Variants in LTBP2 observed in about 807,000 individuals in gnomAD.
LTBP2 encodes the protein latent transforming growth factor beta binding protein 2, also known as latent-transforming growth factor beta-binding protein 2.
Under a neutral mutation model 210.6 loss-of-function variants are expected in LTBP2, and 103 were observed. That is an observed-to-expected ratio of 0.49 (90% CI 0.42 to 0.58). LTBP2 has a LOEUF of 0.58. Ranked by LOEUF, LTBP2 falls within the 20% of genes least tolerant of loss-of-function variation. The pLI is 0.00. For missense variants in LTBP2, 2,313 were observed against 2,494.5 expected, an observed-to-expected ratio of 0.93 and a Z score of 1.55; for synonymous variants, 1,007 against 1,015.0, an observed-to-expected ratio of 0.99 and a Z score of 0.15.
At chr14:74,582,021 T>G (rs1368765899) in intron 3 of LTBP2, among the ~76,000 whole-genome samples, 2 of 142,652 alleles carry the variant, frequency 1.4e-5, no homozygotes, top group Admixed American at 1.4e-4. Context: ...GGGTTGTTGT[T>G]TTTTTTTTTT....
In LTBP2 at chr14:74,501,588, G is replaced by T. The variant is rs758548129; in HGVS notation, c.5173C>A (p.Pro1725Thr). 6.2e-7 allele frequency: 1 copy of T among 1,614,046 alleles called. No homozygotes were observed. The highest frequency in any genetic ancestry group is 1.7e-5 in the Admixed American group (1 of 60,032). The part of the protein sequence containing the change: ...QPHYVASHPE[P>T]PAGFEGLQAE... The stretch of plus-strand genomic sequence containing the variant: ...TGAAGCCCTTCGAAGCCGGCTGGGG[G>T]CTCTGGGAGGAGGAAATCGGAGAGA... The change falls in exon 35 of 36, where the codon CCC (proline) becomes ACC (threonine). Residue 1725 changes from proline to threonine, a missense_variant and splice_region_variant. Transcript: ENST00000261978.
chr14:74,529,024 A>C lies in LTBP2; in HGVS notation c.2086T>G (p.Cys696Gly). The C allele has an allele frequency of 6.3e-7, 1 of 1,597,972 alleles. No individual in the cohort carries two copies. The highest frequency in any genetic ancestry group is 8.5e-7 in the Non-Finnish European group (1 of 1,172,356). Residue 696 changes from cysteine to glycine, a missense_variant, in exon 11 of 36, where the codon TGC (cysteine) becomes GGC (glycine). Coordinates refer to ENST00000261978, the MANE Select transcript of LTBP2 (RefSeq NM_000428.3). ...GCTTTGCCCACGCGGCTGCAGCAGCATATCTGCTTGGTGATCCGCTGGGCC... is the reference window on the plus strand; with the variant it reads ...GCTTTGCCCACGCGGCTGCAGCAGCCTATCTGCTTGGTGATCCGCTGGGCC... Reference protein sequence around the residue: ...PLAQRITKQICCCSRVGKAWG... With the variant: ...PLAQRITKQIGCCSRVGKAWG...
At position 74,552,943 on chromosome 14, in the gene LTBP2, G is replaced by A; in HGVS notation, c.1141C>T (p.Leu381=). Residue 381 remains leucine, a synonymous_variant, in exon 5 of 36, where the codon CTG becomes TTG. Coordinates refer to ENST00000261978, the MANE Select transcript of LTBP2 (RefSeq NM_000428.3). ...TGCCCATGGCCGCCCTGGCTGTACA[G>A]GGTGGTGGTGTCGCCCCTCTCACAG... ...NSCERGDTTT[L]YSQGGHGHDP... 6.2e-7 allele frequency: 1 copy of A among 1,613,922 alleles called. No homozygotes were observed. Among genetic ancestry groups the A allele is most frequent in the Non-Finnish European group, 8.5e-7 (1 of 1,179,932 alleles).
At chr14:74,529,181 C>G in intron 10 of LTBP2, 59 bp from the exon 11 acceptor site, 4 of 1,542,168 alleles carry the variant, frequency 2.6e-6, no homozygotes, top group Non-Finnish European at 3.5e-6. Context: ...GAATGCGCAG[C>G]TGGGAGGGCA....
At chr14:74,596,086 G>A (rs1049895029) in intron 2 of LTBP2, among the ~76,000 whole-genome samples, 15 of 151,984 alleles carry the variant, frequency 9.9e-5, no homozygotes, top group South Asian at 6.2e-4. Flanking sequence ...TTAGTCAGGC[G>A]TGGTAGCACA....
intron 18 of LTBP2, among the ~76,000 whole-genome samples, chr14:74,511,625 G>C (rs536462992): frequency 7.9e-5 from 12 of 152,352 alleles, no homozygotes; most frequent in Middle Eastern, 6.8e-3. Flanking sequence ...ACCACCAGCT[G>C]TGGGAGGGTC....
chr14:74,540,649 C>A (rs1453041850), intron 8 of LTBP2, among the ~76,000 whole-genome samples: 59 of 146,920 alleles, frequency 4.0e-4, no homozygotes, highest in Non-Finnish European at 3.6e-4. Flanking sequence ...CCTGTAGTTC[C>A]AGCTACTTGG....
chr14:74,611,516 TG>T lies in LTBP2; in HGVS notation c.428del (p.Pro143HisfsTer137). 6.5e-7 allele frequency: 1 copy of T among 1,538,082 alleles called. No individual in the cohort carries two copies. On this transcript the variant is annotated frameshift_variant, in exon 1 of 36. Transcript: ENST00000261978. LOFTEE classifies it high-confidence loss of function. Reference sequence around the variant, plus strand: ...CAGACCGCTGTGGGGTCCCCAGGCGTGGGAGAGCCGGCGCGGCCCGGGTCCG... The same window carrying T: ...CAGACCGCTGTGGGGTCCCCAGGCGTGGAGAGCCGGCGCGGCCCGGGTCCG... ...APRTRAAPAL[P>X]RLGTPQRSGA...
At chr14:74,605,507 C>T (rs2088513043) in intron 1 of LTBP2, among the ~76,000 whole-genome samples, 1 of 152,196 alleles carries the variant, frequency 6.6e-6, no homozygotes, top group African/African-American at 2.4e-5. Context: ...GGGGTGCGCC[C>T]CAGTGGAAGG....
At chr14:74,582,074 C>T (rs1234522637) in intron 3 of LTBP2, among the ~76,000 whole-genome samples, 1 of 148,550 alleles carries the variant, frequency 6.7e-6, no homozygotes, top group Admixed American at 6.7e-5. Context: ...AGCTGGAGTG[C>T]AATGGTGCCA....
chr14:74,585,921 C>T lies in LTBP2; in HGVS notation c.763G>A (p.Gly255Ser). ...GGCGGCTGTGCTCTGGCCAAGGTGC[C>T]CTCTCCAGCCGCACTGCTCCTGCGC... Reference protein sequence around the residue: ...NLRRSSAAGEGTLARAQPPAP... With the variant: ...NLRRSSAAGESTLARAQPPAP... Residue 255 changes from glycine (G) to serine (S), a missense_variant, in exon 3 of 36, where the codon GGC (glycine) becomes AGC (serine). Transcript: ENST00000261978. 6.2e-7 allele frequency: 1 copy of T among 1,613,452 alleles called. No homozygotes were observed. Among genetic ancestry groups the T allele is most frequent in the Non-Finnish European group, 8.5e-7 (1 of 1,179,914 alleles).
chr14:74,539,803 A>G (rs1467597279), intron 8 of LTBP2, among the ~76,000 whole-genome samples: 1 of 152,216 alleles, frequency 6.6e-6, no homozygotes, highest in Non-Finnish European at 1.5e-5. Flanking sequence ...GCAGGAAGCA[A>G]GAGTGGAACC....
intron 15 of LTBP2, 119 bp from the exon 16 acceptor site, chr14:74,523,037 C>T (rs944236588): frequency 8.0e-5 from 99 of 1,230,792 alleles, no homozygotes; most frequent in Non-Finnish European, 1.0e-4. Flanking sequence ...CAACCTTAGC[C>T]AGGCCCTCCC....
chr14:74,576,775 G>C (rs539046107), intron 3 of LTBP2, among the ~76,000 whole-genome samples: 7 of 151,990 alleles, frequency 4.6e-5, no homozygotes, highest in Admixed American at 2.6e-4. Flanking sequence ...TTCCTCAAGG[G>C]CCTCATTAAG....
intron 10 of LTBP2, among the ~76,000 whole-genome samples, chr14:74,529,585 C>T (rs1304912065): frequency 2.0e-5 from 3 of 152,126 alleles, no homozygotes; most frequent in Non-Finnish European, 2.9e-5. Context: ...TCTCTGTCAC[C>T]CAGGCACCTC....
chr14:74,515,087 C>T (rs900338145), intron 18 of LTBP2, among the ~76,000 whole-genome samples: 2 of 152,084 alleles, frequency 1.3e-5, no homozygotes, highest in Non-Finnish European at 2.9e-5. Flanking sequence ...TCTGTATGTG[C>T]CAGACGGTGC....
chr14:74,502,970 A>C, intron 33 of LTBP2, 36 bp from the exon 34 acceptor site: 1 of 1,605,552 alleles, frequency 6.2e-7, no homozygotes, highest in East Asian at 2.2e-5. Flanking sequence ...GCTGGGTTCT[A>C]GCTCCTGCCA....
At chr14:74,511,668 G>C (rs2087073695) in intron 18 of LTBP2, among the ~76,000 whole-genome samples, 1 of 152,202 alleles carries the variant, frequency 6.6e-6, no homozygotes, top group Admixed American at 6.5e-5. Flanking sequence ...GGCTGTTGGG[G>C]ATGGGCTTTC....
At chr14:74,540,828 ATAATATATATT>A (rs2087489289) in intron 8 of LTBP2, among the ~76,000 whole-genome samples, 1 of 10,378 alleles carries the variant, frequency 9.6e-5, no homozygotes, top group Non-Finnish European at 2.3e-3. Flanking sequence ...ATATTTTTAT[ATAATATATATT>A]TATATATATT....
Sources: gnomAD v4.1 joint callset for allele counts (sites outside exome capture counted in the v4.1 genomes callset) on GRCh38, gnomAD v4.1.1 for gene constraint, MANE v1.5 for transcripts, NCBI Gene and HGNC (gene_info 2026-07-23, HGNC 2026-07-21) for gene names.